The following ZBTB20 variants were observed in gnomAD, a reference collection of about 807,000 sequenced individuals.
ZBTB20 encodes the protein zinc finger and BTB domain-containing protein 20.
ZBTB20 carries 9 observed loss-of-function variants against 56.9 expected under a neutral mutation model. The observed-to-expected ratio is 0.16, with a 90% CI of 0.10 to 0.28. ZBTB20 has a LOEUF of 0.28. Among genes scored for constraint, ZBTB20 ranks in the 10% least tolerant of loss-of-function variants. The pLI is 1.00. For synonymous variants in ZBTB20, 417 were observed against 420.7 expected (o/e 0.99, Z 0.11); for missense variants, 655 against 1,003.0 (o/e 0.65, Z 4.69).
intron 7 of ZBTB20, among the ~76,000 whole-genome samples, chr3:114,389,695 C>T (rs2085600758): frequency 6.7e-6 from 1 of 148,640 alleles, no homozygotes. Context: ...CGAGACCATC[C>T]CAGCCAACAC....
chr3:114,370,378 G>A (rs763917838), intron 10 of ZBTB20, among the ~76,000 whole-genome samples: 5 of 152,058 alleles, frequency 3.3e-5, no homozygotes, highest in Non-Finnish European at 5.9e-5. Flanking sequence ...TGACACATCT[G>A]ATTCTGTTTT....
At chr3:114,424,015 G>A (rs1199534100) in intron 7 of ZBTB20, among the ~76,000 whole-genome samples, 2 of 152,182 alleles carry the variant, frequency 1.3e-5, no homozygotes, top group Non-Finnish European at 2.9e-5. Flanking sequence ...AGAGGTCAAG[G>A]AAGTAAATCT....
chr3:114,425,374 T>G (rs1338039493), intron 7 of ZBTB20, among the ~76,000 whole-genome samples: 5 of 152,336 alleles, frequency 3.3e-5, no homozygotes, highest in African/African-American at 1.2e-4. Flanking sequence ...ACACGTTGTC[T>G]CTGCTTACTT....
intron 1 of ZBTB20, among the ~76,000 whole-genome samples, chr3:115,075,025 G>A (rs2082544857): frequency 6.6e-6 from 1 of 152,004 alleles, no homozygotes; most frequent in Non-Finnish European, 1.5e-5. Flanking sequence ...TGTGTTTACG[G>A]TTATATAACA....
At chr3:114,644,893 T>C (rs1398731) in intron 6 of ZBTB20, among the ~76,000 whole-genome samples, 9,834 of 152,116 alleles carry the variant, frequency 0.065, 402 homozygotes, top group Middle Eastern at 0.12. Flanking sequence ...TTTAAATGAA[T>C]TCACTAGCTC....
At chr3:114,638,290 T>A (rs2059381994) in intron 6 of ZBTB20, among the ~76,000 whole-genome samples, 1 of 152,036 alleles carries the variant, frequency 6.6e-6, no homozygotes, top group South Asian at 2.1e-4. Context: ...TGCTTGGAGT[T>A]GTGGCAGCTA....
intron 6 of ZBTB20, chr3:114,519,840 C>T (rs1300995245): frequency 6.6e-6 from 1 of 152,128 alleles, no homozygotes; most frequent in Non-Finnish European, 1.5e-5. Flanking sequence ...ACAACTACTG[C>T]TATAAAACTA....
chr3:114,614,581 A>C (rs192130096), intron 6 of ZBTB20, among the ~76,000 whole-genome samples: 1 of 152,276 alleles, frequency 6.6e-6, no homozygotes, highest in African/African-American at 2.4e-5. Context: ...TTCTGCTGGG[A>C]TTTTCTGAAC....
At chr3:115,068,542 T>C (rs1290828580) in intron 2 of ZBTB20, among the ~76,000 whole-genome samples, 2 of 152,088 alleles carry the variant, frequency 1.3e-5, no homozygotes, top group African/African-American at 4.8e-5. Context: ...ATAATATTCA[T>C]AGATAGGAAT....
chr3:114,851,701 T>G (rs1034359262), intron 4 of ZBTB20, among the ~76,000 whole-genome samples: 1 of 152,132 alleles, frequency 6.6e-6, no homozygotes, highest in African/African-American at 2.4e-5. Context: ...AATTCCTTGT[T>G]TCTACTTTGC....
intron 5 of ZBTB20, among the ~76,000 whole-genome samples, chr3:114,733,125 T>C (rs971115401): frequency 6.6e-6 from 1 of 152,142 alleles, no homozygotes; most frequent in African/African-American, 2.4e-5. Context: ...TGTAAACACA[T>C]ATATTATAAA....
chr3:114,643,465 C>T (rs1578128389), intron 6 of ZBTB20, among the ~76,000 whole-genome samples: 1 of 152,088 alleles, frequency 6.6e-6, no homozygotes, highest in East Asian at 1.9e-4. Context: ...GTTGCACATT[C>T]TTCAATTAAA....
chr3:114,926,396 A>G (rs935338167), intron 3 of ZBTB20, among the ~76,000 whole-genome samples: 6 of 152,280 alleles, frequency 3.9e-5, no homozygotes, highest in African/African-American at 1.4e-4. Context: ...TTTTGTCCAG[A>G]GTTTATAGCT....
intron 7 of ZBTB20, among the ~76,000 whole-genome samples, chr3:114,449,861 C>A (rs569066698): frequency 1.2e-4 from 18 of 152,140 alleles, no homozygotes; most frequent in African/African-American, 4.3e-4. Context: ...TCTCGTATCC[C>A]CAAATTTATG....
At chr3:115,085,904 A>AT (rs1478379205) in intron 1 of ZBTB20, among the ~76,000 whole-genome samples, 1 of 151,888 alleles carries the variant, frequency 6.6e-6, no homozygotes, top group Non-Finnish European at 1.5e-5. Context: ...ATGGCAATTA[A>AT]TGTAATCCCA....
chr3:114,422,854 G>GA (rs1266102146), intron 7 of ZBTB20, among the ~76,000 whole-genome samples: 1 of 151,860 alleles, frequency 6.6e-6, no homozygotes, highest in Admixed American at 6.6e-5. Flanking sequence ...ATAAGCTACT[G>GA]AAAAAAATGG....
In ZBTB20 at chr3:114,670,958, C is replaced by T. The variant is rs78710463; in HGVS notation, c.-295+22570G>A. ...GGAACTGTTGACATTTTTTGCTGCC[C>T]TGGAGTTTATTGTCTCAAGTATTGC... On this transcript the variant is annotated intron_variant, in intron 6 of 11. Coordinates refer to ENST00000675478, the MANE Select transcript of ZBTB20 (RefSeq NM_001348800.3). Among the ~76,000 whole-genome samples, 1,458 of 152,112 alleles carry T rather than the reference C, an allele frequency of 9.6e-3. 20 individuals carry two copies. The highest frequency in any genetic ancestry group is 0.033 in the African/African-American group (1,358 of 41,528).
intron 10 of ZBTB20, among the ~76,000 whole-genome samples, chr3:114,367,502 A>G (rs968240394): frequency 2.6e-5 from 4 of 152,176 alleles, no homozygotes; most frequent in African/African-American, 9.6e-5. Context: ...CAAGTGATAA[A>G]TCCACACTGG....
chr3:114,792,765 C>T (rs2071055264), intron 5 of ZBTB20, among the ~76,000 whole-genome samples: 1 of 152,144 alleles, frequency 6.6e-6, no homozygotes, highest in Non-Finnish European at 1.5e-5. Context: ...ATCTCTCTGT[C>T]CTGGTTTTAC....
Sources: gnomAD v4.1 joint callset for allele counts (sites outside exome capture counted in the v4.1 genomes callset) on GRCh38, gnomAD v4.1.1 for gene constraint, MANE v1.5 for transcripts, NCBI Gene and HGNC (gene_info 2026-07-23, HGNC 2026-07-21) for gene names.